The following FAT2 variants were observed in gnomAD, a reference collection of about 807,000 sequenced individuals.
FAT2 encodes the protein protocadherin Fat 2.
A neutral mutation model predicts 295.3 loss-of-function variants in FAT2; 150 were observed. That is an observed-to-expected ratio of 0.51 (90% CI 0.44 to 0.58). FAT2 has a LOEUF of 0.58. Ranked by LOEUF, FAT2 falls within the 20% of genes least tolerant of loss-of-function variation. The pLI is 0.00. For missense variants in FAT2, 4,868 were observed against 5,442.7 expected (o/e 0.89, Z 3.32); for synonymous variants, 2,026 against 2,150.3 (o/e 0.94, Z 1.60).
intron 3 of FAT2, among the ~76,000 whole-genome samples, chr5:151,558,550 T>TGCAGTGA (rs1757885053): frequency 6.6e-6 from 1 of 151,720 alleles, no homozygotes; most frequent in African/African-American, 2.4e-5. Context: ...AGGCAGAGGT[T>TGCAGTGA]GCAGTGAGCC....
chr5:151,518,066 C>T (rs1753045052), intron 19 of FAT2, among the ~76,000 whole-genome samples: 1 of 152,160 alleles, frequency 6.6e-6, no homozygotes, highest in Non-Finnish European at 1.5e-5. Flanking sequence ...TGAGGTGGCT[C>T]ATGCCTATAA....
chr5:151,578,252 G>T (rs953093520), intron 1 of FAT2, among the ~76,000 whole-genome samples: 2 of 152,194 alleles, frequency 1.3e-5, no homozygotes, highest in Admixed American at 6.5e-5. Context: ...GCCTCGTTTT[G>T]TGGGGTTGCT....
Position 151,507,071 on chromosome 5 carries a change from C to T in FAT2, c.12517+83G>A. 20 of 1,261,470 alleles carry T rather than the reference C, an allele frequency of 1.6e-5. No individual in the cohort carries two copies. The South Asian group carries it at 2.8e-4, about 18-fold the overall frequency. The allele number at this position is 1,261,470 out of a possible 1,614,324, so 78.1% of individuals were successfully genotyped here. A position where few individuals can be genotyped will look rare whatever the true frequency, so the allele number is the denominator to read the frequency against. ...GTTGGATGCGTGGTAGCTAAAAATG[C>T]CTGTGCCTCAGATAACGGAGTGTTT... is the stretch of plus-strand genomic sequence containing the variant. On this transcript the variant is annotated intron_variant, in intron 23 of 23. Coordinates refer to ENST00000261800, the MANE Select transcript of FAT2 (RefSeq NM_001447.3).
In FAT2 at chr5:151,529,379, G is replaced by C; in HGVS notation, c.9825C>G (p.Val3275=). 1 of 1,613,754 alleles carries C rather than the reference G, an allele frequency of 6.2e-7. No homozygotes were observed. Among genetic ancestry groups the C allele is most frequent in the Middle Eastern group, 1.7e-4 (1 of 5,804 alleles). ...RLDARTGILY[V]NASLDFETSP... Reference sequence around the variant, plus strand: ...TTGTCTCAAAGTCCAGGCTTGCGTTGACATACAGGATCCCTGAAGAAGCAA... The same window carrying C: ...TTGTCTCAAAGTCCAGGCTTGCGTTCACATACAGGATCCCTGAAGAAGCAA... Residue 3275 remains valine (V), a synonymous_variant, in exon 15 of 24, where the codon GTC becomes GTG. Coordinates refer to ENST00000261800, the MANE Select transcript of FAT2 (RefSeq NM_001447.3).
intron 1 of FAT2, among the ~76,000 whole-genome samples, chr5:151,574,669 C>A (rs1758674521): frequency 6.6e-6 from 1 of 152,224 alleles, no homozygotes; most frequent in Admixed American, 6.5e-5. Context: ...GCATTCAAGT[C>A]TCCCACTCTG....
chr5:151,555,086 A>G (rs1302723854), intron 4 of FAT2, among the ~76,000 whole-genome samples: 3 of 152,188 alleles, frequency 2.0e-5, no homozygotes, highest in Admixed American at 1.3e-4. Context: ...TGAGTCAGAC[A>G]TGTGCACGTG....
At chr5:151,594,604 T>C (rs891577349), upstream of FAT2, among the ~76,000 whole-genome samples, 2 of 152,238 alleles carry the variant, frequency 1.3e-5, no homozygotes, top group African/African-American at 4.8e-5. Context: ...CGTAGGCTTC[T>C]AAAGAAAGAA....
In FAT2 at chr5:151,534,970, A is replaced by ATATATATATATATATATAT. The variant is rs1755078921; in HGVS notation, c.9194-329_9194-328insATATATATATATATATATA. 2.3e-4 allele frequency among the ~76,000 whole-genome samples: 24 copies of ATATATATATATATATATAT among 106,412 alleles called. 1 individual carries two copies. The highest frequency in any genetic ancestry group is 3.6e-4 in the Non-Finnish European group (17 of 46,814). 69.8% of individuals were successfully genotyped at this position (106,412 alleles called of 152,430 possible). ...TGGTTCGTAATTCCACTTCTAGGAAAATATATATATATATATATATATATA... is the reference window on the plus strand; with the variant it reads ...TGGTTCGTAATTCCACTTCTAGGAAATATATATATATATATATATATATATATATATATATATATATATA... On this transcript the variant is annotated intron_variant, in intron 12 of 23. Transcript: ENST00000261800.
chr5:151,579,652 A>G (rs544838162), intron 1 of FAT2, among the ~76,000 whole-genome samples: 7 of 152,304 alleles, frequency 4.6e-5, no homozygotes, highest in Non-Finnish European at 7.3e-5. Context: ...CCATTCCACT[A>G]TGCATACATT....
chr5:151,529,741 A>G (rs1754388274), intron 14 of FAT2, among the ~76,000 whole-genome samples: 1 of 152,230 alleles, frequency 6.6e-6, no homozygotes. Flanking sequence ...AGGTCAGTCC[A>G]TTGACCTAGA....
intron 19 of FAT2, 136 bp downstream of exon 19, chr5:151,521,140 T>C (rs1753411064): frequency 9.9e-6 from 8 of 811,578 alleles, no homozygotes; most frequent in East Asian, 8.1e-5. Context: ...AGCCGTCTTA[T>C]GGTGATTGGT....
At chr5:151,562,386 C>T (rs1758055855) in intron 3 of FAT2, among the ~76,000 whole-genome samples, 1 of 152,132 alleles carries the variant, frequency 6.6e-6, no homozygotes, top group South Asian at 2.1e-4. Flanking sequence ...GTTCCTCCCC[C>T]AAGAGGAAGA....
rs1042678397 is a variant in FAT2 at position 151,546,173 on chromosome 5, G to C, written c.4954C>G (p.Pro1652Ala). Residue 1652 changes from proline to alanine, a missense_variant, in exon 10 of 24, where the codon CCC (proline) becomes GCC (alanine). Coordinates refer to ENST00000261800, the MANE Select transcript of FAT2 (RefSeq NM_001447.3). Reference sequence around the variant, plus strand: ...AAGATGGGGGCACTCCTATCTGAGGGATAGACATGAATGATCACTGTAGCC... The same window carrying C: ...AAGATGGGGGCACTCCTATCTGAGGCATAGACATGAATGATCACTGTAGCC... ...DLATVIIHVY[P>A]SDRSAPIFSK... 1.9e-6 allele frequency: 3 copies of C among 1,614,038 alleles called. No homozygotes were observed. Among genetic ancestry groups the C allele is most frequent in the Non-Finnish European group, 2.5e-6 (3 of 1,180,042 alleles).
chr5:151,543,020 C>T lies in FAT2; in HGVS notation c.8107G>A (p.Asp2703Asn), dbSNP rs2127606651. The change falls in exon 10 of 24, where the codon GAC (aspartate) becomes AAC (asparagine). Residue 2703 changes from aspartate to asparagine, a missense_variant. Around this residue, in one of 5 missense-constraint regions of FAT2, gnomAD observed 3,297 missense variants for 3,669.4 expected, o/e 0.90. Coordinates refer to ENST00000261800, the MANE Select transcript of FAT2 (RefSeq NM_001447.3). The stretch of plus-strand genomic sequence containing the variant: ...CCAATTTCAGACCCCTCTGGAAGGT[C>T]TTCAGGTGCAGAGAAAGTATACAAA... ...EPLYTFSAPE[D>N]LPEGSEIGIV... 6.2e-7 allele frequency: 1 copy of T among 1,614,192 alleles called. No homozygotes were observed. The highest frequency in any genetic ancestry group is 1.7e-5 in the Admixed American group (1 of 60,016).
rs1325678243 is a variant in FAT2, at chr5:151,525,908, G to A, written c.10366C>T (p.Pro3456Ser). 1.2e-6 allele frequency: 2 copies of A among 1,614,182 alleles called. No individual in the cohort carries two copies. Among genetic ancestry groups the A allele is most frequent in the Non-Finnish European group, 8.5e-7 (1 of 1,180,026 alleles). The change falls in exon 18 of 24, where the codon CCA becomes TCA. Residue 3456 changes from proline to serine, a missense_variant. Around this residue, in one of 5 missense-constraint regions of FAT2, gnomAD observed 1,046 missense variants for 1,210.1 expected, o/e 0.86. Coordinates refer to ENST00000261800, the MANE Select transcript of FAT2 (RefSeq NM_001447.3). ...AACGAGTAGGGGGGGCCATTCTCTG[G>A]AGAATCTGGGTCACTCAGGATCAGC... ...LQLILSDPDSPENGPPYSFRI... is the reference protein window; with the variant it reads ...LQLILSDPDSSENGPPYSFRI...
At chr5:151,540,022 T>G (rs542408836) in intron 11 of FAT2, among the ~76,000 whole-genome samples, 38 of 152,330 alleles carry the variant, frequency 2.5e-4, no homozygotes, top group African/African-American at 8.7e-4. Context: ...CAGGTCTCTG[T>G]TGGTGTATTT....
intron 15 of FAT2, 152 bp from the exon 16 acceptor site, chr5:151,528,285 T>C (rs2127587683): frequency 1.2e-6 from 1 of 835,100 alleles, no homozygotes; most frequent in South Asian, 1.9e-5. Context: ...TCTCTTCACT[T>C]ACATCCTCGT....
At chr5:151,520,646 G>C (rs1753357545) in intron 19 of FAT2, among the ~76,000 whole-genome samples, 1 of 152,142 alleles carries the variant, frequency 6.6e-6, no homozygotes, top group Admixed American at 6.5e-5. Flanking sequence ...AACTCCAGGA[G>C]GCAGATGTAT....
chr5:151,566,530 G>A lies in FAT2; in HGVS notation c.2402C>T (p.Ser801Phe). ...TVYDLGTPQK[S>F]SWKLLTVNVK... ...ATTCACTGTCAGCAGCTTCCAGGAGGACTTCTGGGGTGTGCCCAGGTCATA... is the reference window on the plus strand; with the variant it reads ...ATTCACTGTCAGCAGCTTCCAGGAGAACTTCTGGGGTGTGCCCAGGTCATA... The change falls in exon 2 of 24, where the codon TCC (serine) becomes TTC (phenylalanine). Residue 801 changes from serine (S) to phenylalanine (F), a missense_variant. By Grantham distance (155) the Ser-to-Phe change is radical. This residue lies in a region of FAT2 where 3,297 missense variants were observed against 3,669.4 expected (regional missense o/e 0.90). Coordinates refer to ENST00000261800, the MANE Select transcript of FAT2 (RefSeq NM_001447.3). The A allele has an allele frequency of 6.2e-7, 1 of 1,614,112 alleles. No homozygotes were observed. Among genetic ancestry groups the A allele is most frequent in the South Asian group, 1.1e-5 (1 of 91,060 alleles).
Sources: allele counts gnomAD v4.1 joint callset (sites outside exome capture counted in the v4.1 genomes callset), GRCh38; gene constraint gnomAD v4.1.1; regional missense constraint gnomAD v4.1.1; transcripts MANE v1.5; gene names NCBI Gene and HGNC (gene_info 2026-07-23, HGNC 2026-07-21).